Variants in PXDN observed in about 807,000 individuals in gnomAD.
PXDN encodes the protein peroxidasin, also known as peroxidasin homolog.
PXDN carries 77 observed loss-of-function variants against 140.3 expected under a neutral mutation model. That is an observed-to-expected ratio of 0.55 (90% confidence interval 0.46 to 0.66). The LOEUF is 0.66. PXDN is among the 30% of genes least tolerant of loss of function. The probability of loss-of-function intolerance (pLI) is 0.00; values close to 1 mark genes in which losing one functional copy is unlikely to be tolerated. For missense variants in PXDN, 1,838 were observed against 2,039.5 expected, an observed-to-expected ratio of 0.90 and a Z score of 1.90; for synonymous variants, 911 against 857.4, an observed-to-expected ratio of 1.06 and a Z score of -1.09.
At chr2:1,689,780 A>ATC (rs1684144793) in intron 3 of PXDN, among the ~76,000 whole-genome samples, 1 of 126,470 alleles carries the variant, frequency 7.9e-6, no homozygotes, top group Non-Finnish European at 1.7e-5. Context: ...GGGAAACTCC[A>ATC]CCTCAAAAAA....
rs199849711 is a variant in PXDN at position 1,674,108 on chromosome 2, G to A, written c.849-296C>T. ...AAAGGAGAAAGCAATGAACAAAACG[G>A]AAAAAATTCCAAGGAAACATTTTCT... is the stretch of plus-strand genomic sequence containing the variant. On this transcript the variant is annotated intron_variant, in intron 8 of 22. Transcript: ENST00000252804. 4.6e-5 allele frequency among the ~76,000 whole-genome samples: 7 copies of A among 152,328 alleles called. No individual in the cohort carries two copies. In the East Asian group the frequency reaches 1.3e-3, roughly 29 times the overall value.
chr2:1,665,913 CCACA>C (rs960722688), intron 10 of PXDN, among the ~76,000 whole-genome samples: 3 of 151,846 alleles, frequency 2.0e-5, no homozygotes, highest in African/African-American at 4.8e-5. Flanking sequence ...GTGTGCACAC[CCACA>C]CACACACACT....
At chr2:1,673,931 A>C in intron 8 of PXDN, 119 bp from the exon 9 acceptor site, 1 of 1,094,906 alleles carries the variant, frequency 9.1e-7, no homozygotes, top group Non-Finnish European at 1.3e-6. Flanking sequence ...GGAACAGCTC[A>C]CCTTCCAGGG....
At chr2:1,658,030 C>G (rs1431944095) in intron 14 of PXDN, among the ~76,000 whole-genome samples, 1 of 1,276 alleles carries the variant, frequency 7.8e-4, no homozygotes, top group African/African-American at 1.6e-3. Flanking sequence ...GCTGTGGGCT[C>G]TCTCTCTCTC....
At chr2:1,710,748 TCCACCAGCACCCA>T (rs1160708286) in intron 1 of PXDN, among the ~76,000 whole-genome samples, 6 of 91,670 alleles carry the variant, frequency 6.5e-5, no homozygotes, top group Admixed American at 2.3e-4. Flanking sequence ...CAGCACCCAC[TCCACCAGCACCCA>T]CTCCACCAGC....
chr2:1,671,771 A>AT (rs1472482033), intron 9 of PXDN, among the ~76,000 whole-genome samples: 3 of 152,032 alleles, frequency 2.0e-5, no homozygotes, highest in African/African-American at 7.3e-5. Context: ...GCAGTTGGCC[A>AT]TTTTTTTCTG....
At chr2:1,743,672 A>G (rs2125499920) in intron 1 of PXDN, among the ~76,000 whole-genome samples, 1 of 76,898 alleles carries the variant, frequency 1.3e-5, no homozygotes, top group Non-Finnish European at 2.4e-5. Flanking sequence ...GGAAGGGAGG[A>G]GGAGGAGGAA....
Position 1,639,235 on chromosome 2 carries a change from C to A in PXDN, c.4073+67G>T. The A allele has an allele frequency of 6.4e-7, 1 of 1,558,704 alleles. No individual in the cohort carries two copies. Among genetic ancestry groups the A allele is most frequent in the Non-Finnish European group, 8.7e-7 (1 of 1,151,106 alleles). On this transcript the variant is annotated intron_variant, in intron 20 of 22. Coordinates refer to ENST00000252804, the MANE Select transcript of PXDN (RefSeq NM_012293.3). The surrounding 1 kb of genome is among the most constrained non-coding windows in gnomAD (Gnocchi z 5.0). ...CACAGGCCCACAGCAGGATGCCGGT[C>A]CTACTGCCCGACGCCCGCGGTGCGA...
In PXDN at chr2:1,635,444, C is replaced by T; in HGVS notation, c.4284G>A (p.Lys1428=). The part of the protein sequence containing the change: ...AGGESHANNT[K]WKKDACTICE... ...AAATGGTGCATGCATCTTTTTTCCA[C>T]TTGGTGTTGTTGGCGTGAGATTCGC... Residue 1428 remains lysine (K), a synonymous_variant, in exon 22 of 23, where the codon AAG becomes AAA. Coordinates refer to ENST00000252804, the MANE Select transcript of PXDN (RefSeq NM_012293.3). 1 of 1,600,456 alleles carries T rather than the reference C, an allele frequency of 6.2e-7. No individual in the cohort carries two copies. Among genetic ancestry groups the T allele is most frequent in the Non-Finnish European group, 8.5e-7 (1 of 1,172,920 alleles).
rs1043133366 is a variant in PXDN, at chr2:1,714,494, G to A, written c.201-21360C>T. ...CACCAATCCTCGCCCAGCAATGACC[G>A]CGGGTCCACGCTCAGGGAAATGCCC... On this transcript the variant is annotated intron_variant, in intron 1 of 22. Transcript: ENST00000252804. The surrounding 1 kb of genome is among the most constrained non-coding windows in gnomAD (Gnocchi z 4.3). 6.6e-6 allele frequency among the ~76,000 whole-genome samples: 1 copy of A among 152,114 alleles called. No individual in the cohort carries two copies. Among genetic ancestry groups the A allele is most frequent in the Non-Finnish European group, 1.5e-5 (1 of 68,020 alleles).
At chr2:1,665,194 G>A (rs78516126) in intron 10 of PXDN, 120 bp from the exon 11 acceptor site, 5 of 746,864 alleles carry the variant, frequency 6.7e-6, no homozygotes, top group African/African-American at 1.7e-5. Context: ...TGTCTACAAC[G>A]AAGAGTCAGA....
At chr2:1,647,527 G>C (rs1572121703) in intron 17 of PXDN, among the ~76,000 whole-genome samples, 1 of 152,186 alleles carries the variant, frequency 6.6e-6, no homozygotes, top group South Asian at 2.1e-4. Flanking sequence ...TTGTCTCAGG[G>C]GTGACAGCGT....
Position 1,661,018 on chromosome 2 carries a change from T to G in PXDN, c.1700A>C (p.Glu567Ala). 5 of 1,613,982 alleles carry G rather than the reference T, an allele frequency of 3.1e-6. No homozygotes were observed. Among genetic ancestry groups the G allele is most frequent in the Non-Finnish European group, 4.2e-6 (5 of 1,179,874 alleles). ...AGGGCTGATGTGAAATTTTCCACTT[T>G]CTGTCACCTGAACCCCATCCTGGAG... is the stretch of plus-strand genomic sequence containing the variant. ...TWNKDGVQVT[E>A]SGKFHISPEG... is the part of the protein sequence containing the mutation. Residue 567 changes from glutamate to alanine, a missense_variant, in exon 14 of 23, where the codon GAA becomes GCA. Glu to Ala is a moderately radical substitution (Grantham distance 107). Transcript: ENST00000252804.
intron 9 of PXDN, 37 bp from the exon 10 acceptor site, chr2:1,666,523 C>T (rs758109764): frequency 3.9e-6 from 6 of 1,555,732 alleles, no homozygotes; most frequent in East Asian, 2.3e-5. Flanking sequence ...ATTAATTTCT[C>T]CCGGTTTGAC....
intron 1 of PXDN, among the ~76,000 whole-genome samples, chr2:1,736,957 G>T (rs114216500): frequency 6.6e-6 from 1 of 152,194 alleles, no homozygotes; most frequent in Admixed American, 6.5e-5. Context: ...GCTCCCGAAG[G>T]CTCCTCCTAA....
At chr2:1,694,261 T>C (rs1235849741) in intron 1 of PXDN, among the ~76,000 whole-genome samples, 1 of 152,202 alleles carries the variant, frequency 6.6e-6, no homozygotes, top group African/African-American at 2.4e-5. Flanking sequence ...GGTCAGGACA[T>C]TAGGGTATGA....
chr2:1,710,760 CA>C (rs1684744248), intron 1 of PXDN, among the ~76,000 whole-genome samples: 1 of 97,222 alleles, frequency 1.0e-5, no homozygotes, highest in Non-Finnish European at 2.1e-5. Flanking sequence ...CACCAGCACC[CA>C]CTCCACCAGC....
intron 1 of PXDN, among the ~76,000 whole-genome samples, chr2:1,720,428 G>A (rs1685014112): frequency 1.3e-5 from 2 of 151,960 alleles, no homozygotes; most frequent in African/African-American, 4.8e-5. Flanking sequence ...GATGCAGAGA[G>A]AGAGGTGGGG....
intron 1 of PXDN, among the ~76,000 whole-genome samples, chr2:1,730,572 C>T (rs7584212): frequency 0.075 from 11,480 of 152,218 alleles, 718 homozygotes; most frequent in African/African-American, 0.18. Context: ...GTATGGCGGA[C>T]GGCCCAGCCA....
Sources: gnomAD v4.1 joint callset for allele counts (sites outside exome capture counted in the v4.1 genomes callset) on GRCh38, gnomAD v4.1.1 for gene constraint, Gnocchi (gnomAD v3.1) non-coding constraint, MANE v1.5 for transcripts, NCBI Gene and HGNC (gene_info 2026-07-23, HGNC 2026-07-21) for gene names.